Variants in MS4A6A observed in about 807,000 individuals in gnomAD.
MS4A6A encodes membrane spanning 4-domains A6A.
In MS4A6A, 19 loss-of-function variants were observed where a neutral mutation model predicts 20.6. The observed-to-expected ratio is 0.92, with a 90% CI of 0.64 to 1.36. The LOEUF is 1.36. Among genes scored for constraint, MS4A6A ranks in the 40% most tolerant of loss-of-function variants. MS4A6A has a pLI of 0.00. For missense variants in MS4A6A, 272 were observed against 261.1 expected (o/e 1.04, Z -0.29); for synonymous variants, 108 against 105.0 (o/e 1.03, Z -0.17).
chr11:60,183,006 C>T lies in MS4A6A; in HGVS notation c.-43G>A. The stretch of plus-strand genomic sequence containing the variant: ...TGCCCGTTGGTTCCAGCTGAGTCCT[C>T]AGAAGCTCCAAAGAGGTTTTAACTC... On this transcript the variant is annotated 5_prime_UTR_variant, in exon 1 of 6. Coordinates refer to ENST00000528851, the MANE Select transcript of MS4A6A (RefSeq NM_022349.4). 7.1e-7 allele frequency: 1 copy of T among 1,409,596 alleles called. No homozygotes were observed. Among genetic ancestry groups the T allele is most frequent in the Non-Finnish European group, 9.2e-7 (1 of 1,089,484 alleles). The allele number at this position is 1,409,596 out of a possible 1,614,324, so 87.3% of individuals were successfully genotyped here.
At chr11:60,172,273 T>TC (rs1312857072), downstream of MS4A6A, 1 of 1,611,114 alleles carries the variant, frequency 6.2e-7, no homozygotes, top group Admixed American at 1.7e-5. Flanking sequence ...ACAAAATATG[T>TC]TAGGTCTTCA....
intron 2 of MS4A6A, 36 bp downstream of exon 2, chr11:60,181,545 C>A: frequency 6.2e-7 from 1 of 1,612,260 alleles, no homozygotes; most frequent in South Asian, 1.1e-5. Flanking sequence ...GGCACTTCCC[C>A]CAACCCCTCT....
intron 5 of MS4A6A, among the ~76,000 whole-genome samples, chr11:60,173,928 T>C (rs1280791497): frequency 6.6e-6 from 1 of 152,232 alleles, no homozygotes; most frequent in African/African-American, 2.4e-5. Flanking sequence ...GTTTGTGGTA[T>C]TTATACACAG....
intron 3 of MS4A6A, among the ~76,000 whole-genome samples, chr11:60,179,014 T>C (rs1387916278): frequency 2.0e-5 from 3 of 152,156 alleles, no homozygotes; most frequent in African/African-American, 4.8e-5. Context: ...GGCATGGATC[T>C]TGGAACAGAA....
At position 60,178,313 on chromosome 11, in the gene MS4A6A, T is replaced by C. The variant is rs998170797; in HGVS notation, c.286A>G (p.Ile96Val). The change falls in exon 4 of 6, where the codon ATC (isoleucine) becomes GTC (valine). Residue 96 changes from isoleucine (I) to valine (V), a missense_variant. Coordinates refer to ENST00000528851, the MANE Select transcript of MS4A6A (RefSeq NM_022349.4). ...GCGATTGATAGAGAGCCAGAGATGATAAACTAAGATAAAAGAGAAAATGGT... is the reference window on the plus strand; with the variant it reads ...GCGATTGATAGAGAGCCAGAGATGACAAACTAAGATAAAAGAGAAAATGGT... ...AYPFIGPFFF[I>V]ISGSLSIATE... 2.5e-6 allele frequency: 4 copies of C among 1,613,370 alleles called. No individual in the cohort carries two copies. Among genetic ancestry groups the C allele is most frequent in the Middle Eastern group, 1.7e-4 (1 of 6,058 alleles).
At chr11:60,179,437 G>C (rs1857011762) in intron 3 of MS4A6A, 4 of 513,064 alleles carry the variant, frequency 7.8e-6, no homozygotes, top group South Asian at 5.1e-5. Context: ...ACAAGCATGG[G>C]GGGGATAACA....
chr11:60,175,400 A>G lies in MS4A6A; in HGVS notation c.549+2T>C. 1 of 1,609,864 alleles carries G rather than the reference A, an allele frequency of 6.2e-7. No homozygotes were observed. Among genetic ancestry groups the G allele is most frequent in the Non-Finnish European group, 8.5e-7 (1 of 1,176,306 alleles). The stretch of plus-strand genomic sequence containing the variant: ...TAGAACATCCCATCTAAAAATACTT[A>G]CAGCCAGACTGGCTTTGGCTGTATA... On this transcript the variant is annotated splice_donor_variant, in intron 5 of 5. Coordinates refer to ENST00000528851, the MANE Select transcript of MS4A6A (RefSeq NM_022349.4). LOFTEE classifies it high-confidence loss of function.
At position 60,172,799 on chromosome 11, in the gene MS4A6A, G is replaced by C; in HGVS notation, c.*202C>G. On this transcript the variant is annotated 3_prime_UTR_variant, in exon 6 of 6. Transcript: ENST00000528851. ...CTGACAAAATAGGAAGATTGAATCAGTTGATTTCTCATGATTAACTATTTT... is the reference window on the plus strand; with the variant it reads ...CTGACAAAATAGGAAGATTGAATCACTTGATTTCTCATGATTAACTATTTT... The C allele has an allele frequency of 1.5e-6, 2 of 1,356,038 alleles. No individual in the cohort carries two copies. The highest frequency in any genetic ancestry group is 1.9e-6 in the Non-Finnish European group (2 of 1,048,580). 84.0% of individuals were successfully genotyped at this position (1,356,038 alleles called of 1,614,324 possible). A position where few individuals can be genotyped will look rare whatever the true frequency, so the allele number is the denominator to read the frequency against.
rs1856795436 is a variant in MS4A6A, at chr11:60,175,587, T to A, written c.364A>T (p.Ile122Phe). Reference protein sequence around the residue: ...LLVHSSLVGSILSALSALVGF... With the variant: ...LLVHSSLVGSFLSALSALVGF... ...ACCAGGGCAGACAGAGCACTCAGAA[T>A]GCTTCCAACCAGGCTGCTATGCACC... The change falls in exon 5 of 6, where the codon ATT (isoleucine) becomes TTT (phenylalanine). Residue 122 changes from isoleucine (I) to phenylalanine (F), a missense_variant. Transcript: ENST00000528851. The A allele has an allele frequency of 6.2e-7, 1 of 1,613,690 alleles. No homozygotes were observed. Among genetic ancestry groups the A allele is most frequent in the Non-Finnish European group, 8.5e-7 (1 of 1,180,012 alleles).
intron 4 of MS4A6A, among the ~76,000 whole-genome samples, chr11:60,175,966 G>T (rs1332922594): frequency 6.6e-6 from 1 of 152,192 alleles, no homozygotes; most frequent in East Asian, 1.9e-4. Flanking sequence ...CAACGTACCA[G>T]ATGCAGTTTC....
Position 60,179,838 on chromosome 11 carries a change from G to T in MS4A6A, c.275C>A (p.Pro92His), listed in dbSNP as rs1368769298. The change falls in exon 3 of 6, where the codon CCC (proline) becomes CAC (histidine). Residue 92 changes from proline (P) to histidine (H), a missense_variant. Physicochemically the swap from Pro to His is moderately conservative, Grantham distance 77 (BLOSUM62 -2). Transcript: ENST00000528851. ...CTCAGAAACTCTACTCACAAAAAAGGGTCCTATGAATGGGTAAGCAGAGTT... is the reference window on the plus strand; with the variant it reads ...CTCAGAAACTCTACTCACAAAAAAGTGTCCTATGAATGGGTAAGCAGAGTT... ...LLNSAYPFIG[P>H]FFFIISGSLS... 6.2e-7 allele frequency: 1 copy of T among 1,613,978 alleles called. No individual in the cohort carries two copies. The highest frequency in any genetic ancestry group is 1.1e-5 in the South Asian group (1 of 91,078).
At chr11:60,181,019 T>C in intron 2 of MS4A6A, 1 of 453,816 alleles carries the variant, frequency 2.2e-6, no homozygotes, top group Non-Finnish European at 4.4e-6. Flanking sequence ...ACCAAAACTC[T>C]GTGTTTCCCT....
At position 60,172,810 on chromosome 11, in the gene MS4A6A, A is replaced by T; in HGVS notation, c.*191T>A. On this transcript the variant is annotated 3_prime_UTR_variant, in exon 6 of 6. Coordinates refer to ENST00000528851, the MANE Select transcript of MS4A6A (RefSeq NM_022349.4). ...GGAAGATTGAATCAGTTGATTTCTCATGATTAACTATTTTCATATCCAGTG... is the reference window on the plus strand; with the variant it reads ...GGAAGATTGAATCAGTTGATTTCTCTTGATTAACTATTTTCATATCCAGTG... 4.4e-6 allele frequency: 6 copies of T among 1,374,314 alleles called. No homozygotes were observed. The highest frequency in any genetic ancestry group is 5.7e-6 in the Non-Finnish European group (6 of 1,059,492). 85.1% of individuals were successfully genotyped at this position (1,374,314 alleles called of 1,614,324 possible).
chr11:60,175,382 T>C lies in MS4A6A; in HGVS notation c.549+20A>G, dbSNP rs774473015. The C allele has an allele frequency of 1.3e-6, 2 of 1,563,096 alleles. No homozygotes were observed. Among genetic ancestry groups the C allele is most frequent in the Admixed American group, 3.3e-5 (2 of 59,848 alleles). ...TTGAATACCTCATAAGATTAGAACA[T>C]CCCATCTAAAAATACTTACAGCCAG... On this transcript the variant is annotated intron_variant, in intron 5 of 5. Coordinates refer to ENST00000528851, the MANE Select transcript of MS4A6A (RefSeq NM_022349.4).
At chr11:60,181,255 G>A in intron 2 of MS4A6A, 1 of 410,798 alleles carries the variant, frequency 2.4e-6, no homozygotes, top group Non-Finnish European at 4.6e-6. Context: ...ATGCAGTTGT[G>A]GAATATATAC....
At chr11:60,175,364 C>G in intron 5 of MS4A6A, 38 bp downstream of exon 5, 5 of 1,485,284 alleles carry the variant, frequency 3.4e-6, no homozygotes, top group Non-Finnish European at 4.7e-6. Flanking sequence ...CTTTTGAATA[C>G]CTCATAAGAT....
At chr11:60,178,657 T>TAA in intron 3 of MS4A6A, 2 of 265,140 alleles carry the variant, frequency 7.5e-6, no homozygotes, top group Non-Finnish European at 1.5e-5. Flanking sequence ...AAGCAATGGT[T>TAA]AAAAAAAAAA....
At chr11:60,178,036 A>T (rs764342550) in intron 4 of MS4A6A, 9 of 534,212 alleles carry the variant, frequency 1.7e-5, no homozygotes, top group Non-Finnish European at 3.0e-5. Flanking sequence ...CAGAGGGAAT[A>T]TTATAATCCC....
chr11:60,184,629 A>G (rs1461209398), upstream of MS4A6A: 2 of 152,234 alleles, frequency 1.3e-5, no homozygotes, highest in Non-Finnish European at 2.9e-5. Flanking sequence ...TATGTGAGAC[A>G]ACACGTGTAA....
Sources: allele counts gnomAD v4.1 joint callset (sites outside exome capture counted in the v4.1 genomes callset), GRCh38; gene constraint gnomAD v4.1.1; transcripts MANE v1.5; gene names NCBI Gene and HGNC (gene_info 2026-07-23, HGNC 2026-07-21).